The following TENM3 variants were observed in gnomAD, a reference collection of about 807,000 sequenced individuals.
TENM3 encodes the protein teneurin transmembrane protein 3.
A neutral mutation model predicts 255.1 loss-of-function variants in TENM3; 63 were observed. That is an observed-to-expected ratio of 0.25 (90% CI 0.20 to 0.30). TENM3 has a LOEUF of 0.30. TENM3 is among the 10% of genes least tolerant of loss of function. The pLI is 1.00. For missense variants in TENM3, 2,929 were observed against 3,461.1 expected (o/e 0.85, Z 3.86); for synonymous variants, 1,306 against 1,322.3 (o/e 0.99, Z 0.27).
At chr4:182,790,399 C>G (rs1043203300) in intron 25 of TENM3, among the ~76,000 whole-genome samples, 2 of 152,196 alleles carry the variant, frequency 1.3e-5, no homozygotes, top group Non-Finnish European at 2.9e-5. Flanking sequence ...TTGTTCTTTA[C>G]CAGAGGTGCC....
intron 5 of TENM3, among the ~76,000 whole-genome samples, chr4:182,647,814 A>G (rs1752887968): frequency 6.6e-6 from 1 of 152,162 alleles, no homozygotes; most frequent in Non-Finnish European, 1.5e-5. Context: ...TGTTTTCCCT[A>G]GTGTTTGCAA....
At chr4:181,710,534 G>C in the TENM3 span, among the ~76,000 whole-genome samples, 1 of 152,084 alleles carries the variant, frequency 6.6e-6, no homozygotes, top group Admixed American at 6.5e-5. Context: ...TGGACAACAT[G>C]ATGAAACCCC....
At chr4:181,613,734 G>T in the TENM3 span, among the ~76,000 whole-genome samples, 2 of 152,186 alleles carry the variant, frequency 1.3e-5, no homozygotes, top group African/African-American at 4.8e-5. Context: ...TAAACCACTG[G>T]TTCCCAAATT....
At chr4:181,816,888 G>T in the TENM3 span, among the ~76,000 whole-genome samples, 2 of 152,196 alleles carry the variant, frequency 1.3e-5, no homozygotes, top group Non-Finnish European at 2.9e-5. Flanking sequence ...GGGGACAAAA[G>T]TGAAAGTAAC....
the TENM3 span, among the ~76,000 whole-genome samples, chr4:181,518,038 GA>G: frequency 1.4e-4 from 21 of 151,584 alleles, 2 homozygotes; most frequent in Admixed American, 1.2e-3. Flanking sequence ...TTCATCAAGG[GA>G]AAAAAAATAG....
intron 2 of TENM3, among the ~76,000 whole-genome samples, chr4:182,331,497 G>A (rs1288718754): frequency 1.3e-5 from 2 of 151,744 alleles, no homozygotes; most frequent in Non-Finnish European, 2.9e-5. Context: ...GGTGAGCCAA[G>A]ATCAATGCCA....
intron 3 of TENM3, among the ~76,000 whole-genome samples, chr4:182,414,362 C>CAA (rs1039571372): frequency 6.6e-6 from 1 of 152,018 alleles, no homozygotes; most frequent in African/African-American, 2.4e-5. Flanking sequence ...TTAAATTTTG[C>CAA]AAAGTACTTT....
the TENM3 span, among the ~76,000 whole-genome samples, chr4:181,654,693 G>T: frequency 2.0e-5 from 3 of 147,882 alleles, no homozygotes; most frequent in Non-Finnish European, 3.0e-5. Flanking sequence ...GGCAGAGGTT[G>T]CAGTGAGCCG....
chr4:181,721,554 C>G, the TENM3 span, among the ~76,000 whole-genome samples: 1 of 37,956 alleles, frequency 2.6e-5, no homozygotes, highest in African/African-American at 7.0e-5. Context: ...GAGCCGAGAT[C>G]GCGCCACTGC....
At chr4:181,589,609 T>C in the TENM3 span, among the ~76,000 whole-genome samples, 1 of 152,170 alleles carries the variant, frequency 6.6e-6, no homozygotes, top group Non-Finnish European at 1.5e-5. Flanking sequence ...ACCTGAGAAT[T>C]AAACTGACAC....
At chr4:182,369,963 A>G (rs761442684) in intron 3 of TENM3, among the ~76,000 whole-genome samples, 10 of 152,150 alleles carry the variant, frequency 6.6e-5, no homozygotes, top group Non-Finnish European at 1.5e-4. Flanking sequence ...CTGGTTTCTT[A>G]TTCTGGTTCT....
chr4:181,453,472 C>T, the TENM3 span, among the ~76,000 whole-genome samples: 1 of 151,944 alleles, frequency 6.6e-6, no homozygotes, highest in Non-Finnish European at 1.5e-5. Context: ...CATAGTGAGG[C>T]CAGATGATGC....
chr4:182,680,143 T>C lies in TENM3; in HGVS notation c.1538-105T>C, dbSNP rs1393709287. ...GCATTTGAAGTGACAGTGCTTTGCT[T>C]TACTACTCAAATTATCTAGCATAAA... On this transcript the variant is annotated intron_variant, in intron 8 of 27. Transcript: ENST00000511685. The C allele has an allele frequency of 4.6e-6, 4 of 873,550 alleles. No homozygotes were observed. In the Admixed American group the frequency reaches 6.1e-5, roughly 13 times the overall value. The allele number at this position is 873,550 out of a possible 1,614,324, so 54.1% of individuals were successfully genotyped here. A position where few individuals can be genotyped will look rare whatever the true frequency, so the allele number is the denominator to read the frequency against.
chr4:181,489,948 G>A, the TENM3 span, among the ~76,000 whole-genome samples: 2 of 152,106 alleles, frequency 1.3e-5, no homozygotes, highest in African/African-American at 2.4e-5. Context: ...ATTTTGCAGT[G>A]TATATTGTAG....
At chr4:182,152,882 T>G (rs1750441771) in intron 1 of TENM3, among the ~76,000 whole-genome samples, 1 of 151,852 alleles carries the variant, frequency 6.6e-6, no homozygotes, top group African/African-American at 2.4e-5. Flanking sequence ...AAATTTATTT[T>G]AAAAATTCTT....
intron 1 of TENM3, among the ~76,000 whole-genome samples, chr4:182,260,494 T>G (rs1044941256): frequency 1.3e-5 from 2 of 152,226 alleles, no homozygotes; most frequent in East Asian, 3.8e-4. Flanking sequence ...AATAACCTAC[T>G]GTAGTAAATT....
At chr4:182,028,575 G>A in the TENM3 span, among the ~76,000 whole-genome samples, 1 of 151,898 alleles carries the variant, frequency 6.6e-6, no homozygotes, top group Non-Finnish European at 1.5e-5. Context: ...TTTGATGTAG[G>A]CACTTATGAC....
the TENM3 span, among the ~76,000 whole-genome samples, chr4:182,060,200 G>A: frequency 6.6e-6 from 1 of 152,094 alleles, no homozygotes; most frequent in Non-Finnish European, 1.5e-5. Flanking sequence ...CTGCACCACT[G>A]CCCTCCAGCC....
At chr4:181,711,879 T>C in the TENM3 span, among the ~76,000 whole-genome samples, 12 of 152,098 alleles carry the variant, frequency 7.9e-5, no homozygotes, top group African/African-American at 2.9e-4. Flanking sequence ...CTCAAAGGGT[T>C]GTTGTGAAGA....
Sources: gnomAD v4.1 joint callset for allele counts (sites outside exome capture counted in the v4.1 genomes callset) on GRCh38, gnomAD v4.1.1 for gene constraint, MANE v1.5 for transcripts, NCBI Gene and HGNC (gene_info 2026-07-23, HGNC 2026-07-21) for gene names.